The following CAMSAP3 variants were observed in gnomAD, a reference collection of about 807,000 sequenced individuals.
CAMSAP3 encodes calmodulin regulated spectrin associated protein family member 3, also known as calmodulin-regulated spectrin-associated protein 3.
CAMSAP3 carries 34 observed loss-of-function variants against 112.5 expected under a neutral mutation model. The observed-to-expected ratio is 0.30, with a 90% confidence interval of 0.23 to 0.40. The LOEUF (loss-of-function observed/expected upper bound fraction) is 0.40. Among genes scored for constraint, CAMSAP3 ranks in the 10% least tolerant of loss-of-function variants. The pLI is 1.00. For missense variants in CAMSAP3, 1,602 were observed against 1,770.3 expected (o/e 0.90, Z 1.71); for synonymous variants, 868 against 799.8 (o/e 1.09, Z -1.44).
In CAMSAP3 at chr19:7,618,050, C is replaced by T. The variant is rs762758632; in HGVS notation, c.3743C>T (p.Pro1248Leu). ...PTTPKKGGGT[P>L]K ...ACTCCCAAGAAGGGCGGCGGCACCCCCAAATAGCCCCACCCGGGCGGTCCA... is the reference window on the plus strand; with the variant it reads ...ACTCCCAAGAAGGGCGGCGGCACCCTCAAATAGCCCCACCCGGGCGGTCCA... The change falls in exon 17 of 17, where the codon CCC (proline) becomes CTC (leucine). Residue 1248 changes from proline (P) to leucine (L), a missense_variant. Pro to Leu is a moderately conservative substitution (Grantham distance 98, BLOSUM62 -3). Transcript: ENST00000160298. The T allele has an allele frequency of 1.2e-6, 2 of 1,611,282 alleles. No individual in the cohort carries two copies. Among genetic ancestry groups the T allele is most frequent in the Non-Finnish European group, 1.7e-6 (2 of 1,178,778 alleles).
At position 7,611,783 on chromosome 19, in the gene CAMSAP3, G is replaced by A. The variant is rs1052326408; in HGVS notation, c.1290G>A (p.Val430=). 2 of 1,597,514 alleles carry A rather than the reference G, an allele frequency of 1.3e-6. No individual in the cohort carries two copies. The change falls in exon 11 of 17, where the codon GTG becomes GTA. Residue 430 remains valine (V), a synonymous_variant. Coordinates refer to ENST00000160298, the MANE Select transcript of CAMSAP3 (RefSeq NM_020902.2). This position sits in a 1 kb window ranked among gnomAD's most constrained non-coding sequence, Gnocchi z 6.9. ...GAGACCCTGTGCTCCTCCGCTCTGT[G>A]AGCTCGGACAGCCTGGGCCCCCCGC... ...VMGDPVLLRS[V]SSDSLGPPRP... is the part of the protein sequence containing the mutation.
chr19:7,613,439 T>G (rs1177482342), intron 11 of CAMSAP3, among the ~76,000 whole-genome samples: 1 of 149,400 alleles, frequency 6.7e-6, no homozygotes, highest in Non-Finnish European at 1.5e-5. Flanking sequence ...TTTGACCCTG[T>G]CTGTTGGGTA....
rs949488648 is a variant in CAMSAP3, at chr19:7,615,379, C to T, written c.2811-39C>T. On this transcript the variant is annotated intron_variant, in intron 12 of 16. Coordinates refer to ENST00000160298, the MANE Select transcript of CAMSAP3 (RefSeq NM_020902.2). The surrounding 1 kb of genome is among the most constrained non-coding windows in gnomAD (Gnocchi z 6.5). ...CTTGGCCTGTCTGCCACCGCGGACC[C>T]CGTGAGCGGTTCTGATGCCGATTCC... is the stretch of plus-strand genomic sequence containing the variant. The T allele has an allele frequency of 1.3e-6, 2 of 1,535,682 alleles. No individual in the cohort carries two copies. Among genetic ancestry groups the T allele is most frequent in the East Asian group, 2.5e-5 (1 of 40,658 alleles).
chr19:7,598,914 GT>G (rs1288766148), intron 1 of CAMSAP3, among the ~76,000 whole-genome samples: 23 of 152,272 alleles, frequency 1.5e-4, no homozygotes, highest in African/African-American at 5.5e-4. Context: ...TCCTGGACAA[GT>G]TATCTCAGCT....
intron 11 of CAMSAP3, chr19:7,614,557 C>G (rs1027785992): frequency 6.6e-6 from 1 of 152,282 alleles, no homozygotes; most frequent in African/African-American, 2.4e-5. Context: ...AGGCTGGTCT[C>G]GAACCCCTGA....
chr19:7,600,906 C>T (rs1427534515), intron 1 of CAMSAP3, among the ~76,000 whole-genome samples: 1 of 142,646 alleles, frequency 7.0e-6, no homozygotes, highest in African/African-American at 2.6e-5. Context: ...ATCCATCCAC[C>T]CACCCATTCA....
chr19:7,599,213 T>TCATC (rs2029862797), intron 1 of CAMSAP3, among the ~76,000 whole-genome samples: 1 of 146,174 alleles, frequency 6.8e-6, no homozygotes, highest in Non-Finnish European at 1.5e-5. Flanking sequence ...ATCTACCCAC[T>TCATC]CATCCATCCA....
At position 7,615,921 on chromosome 19, in the gene CAMSAP3, G is replaced by A. The variant is rs926713419; in HGVS notation, c.3112+202G>A. On this transcript the variant is annotated intron_variant, in intron 13 of 16. Transcript: ENST00000160298. This position sits in a 1 kb window ranked among gnomAD's most constrained non-coding sequence, Gnocchi z 6.5. ...ACTTCCATAGGGGGCCGGGCGCGGT[G>A]GCTCACGCCTGTAATCCCAGCACTT... Among the ~76,000 whole-genome samples the A allele has an allele frequency of 1.3e-5, 2 of 152,116 alleles. No homozygotes were observed. Among genetic ancestry groups the A allele is most frequent in the Non-Finnish European group, 2.9e-5 (2 of 68,004 alleles).
chr19:7,617,345 C>T lies in CAMSAP3; in HGVS notation c.3232C>T (p.Leu1078Phe). The T allele has an allele frequency of 6.2e-7, 1 of 1,614,004 alleles. No individual in the cohort carries two copies. The highest frequency in any genetic ancestry group is 8.5e-7 in the Non-Finnish European group (1 of 1,179,892). ...PTSRAPSPSG[L>F]MSPSRLPGSR... Reference sequence around the variant, plus strand: ...CTGCAGGGCTCCCTCCCCGTCAGGTCTCATGTCCCCAAGCCGCCTGCCTGG... The same window carrying T: ...CTGCAGGGCTCCCTCCCCGTCAGGTTTCATGTCCCCAAGCCGCCTGCCTGG... The change falls in exon 15 of 17, where the codon CTC becomes TTC. Residue 1078 changes from leucine to phenylalanine, a missense_variant. Around this residue, in one of 6 missense-constraint regions of CAMSAP3, gnomAD observed 1,100 missense variants for 1,135.7 expected, o/e 0.97. Coordinates refer to ENST00000160298, the MANE Select transcript of CAMSAP3 (RefSeq NM_020902.2). The surrounding 1 kb of genome is among the most constrained non-coding windows in gnomAD (Gnocchi z 7.5).
At chr19:7,616,998 G>C (rs2030843840) in intron 14 of CAMSAP3, among the ~76,000 whole-genome samples, 1 of 140,612 alleles carries the variant, frequency 7.1e-6, no homozygotes, top group Non-Finnish European at 1.5e-5. Flanking sequence ...GCCCAGGCTG[G>C]AGTGCAGTGG....
Position 7,615,741 on chromosome 19 carries a change from G to A in CAMSAP3, c.3112+22G>A. 7.2e-7 allele frequency: 1 copy of A among 1,381,380 alleles called. No homozygotes were observed. The allele number at this position is 1,381,380 out of a possible 1,614,324, so 85.6% of individuals were successfully genotyped here. A position where few individuals can be genotyped will look rare whatever the true frequency, so the allele number is the denominator to read the frequency against. ...CTGGGTGAGGACCCTTGGGGGACGG[G>A]GCCTGCCCAGTGCCCTTTCCGGGGC... is the stretch of plus-strand genomic sequence containing the variant. On this transcript the variant is annotated intron_variant, in intron 13 of 16. Coordinates refer to ENST00000160298, the MANE Select transcript of CAMSAP3 (RefSeq NM_020902.2). The surrounding 1 kb of genome is among the most constrained non-coding windows in gnomAD (Gnocchi z 6.5).
chr19:7,606,159 C>G (rs1252790643), intron 2 of CAMSAP3, 112 bp from the exon 3 acceptor site: 12 of 639,298 alleles, frequency 1.9e-5, no homozygotes, highest in Admixed American at 6.8e-5. Context: ...AAGCCCCACC[C>G]CCCCCGTCAA....
At chr19:7,609,973 A>C (rs1397733300) in intron 5 of CAMSAP3, among the ~76,000 whole-genome samples, 2 of 152,126 alleles carry the variant, frequency 1.3e-5, no homozygotes, top group Non-Finnish European at 2.9e-5. Context: ...TCAGTTCCTG[A>C]CAGGCCACGC....
intron 13 of CAMSAP3, 156 bp from the exon 14 acceptor site, chr19:7,616,366 TC>T: frequency 1.7e-6 from 1 of 592,750 alleles, no homozygotes. Context: ...CAAAGCATCC[TC>T]CCTCATAGAG....
At position 7,605,446 on chromosome 19, in the gene CAMSAP3, C is replaced by A. The variant is rs372762687; in HGVS notation, c.369C>A (p.Arg123=). 1 of 1,457,286 alleles carries A rather than the reference C, an allele frequency of 6.9e-7. No individual in the cohort carries two copies. The highest frequency in any genetic ancestry group is 9.1e-7 in the Non-Finnish European group (1 of 1,102,640). The allele number at this position is 1,457,286 out of a possible 1,614,324, so 90.3% of individuals were successfully genotyped here. A position where few individuals can be genotyped will look rare whatever the true frequency, so the allele number is the denominator to read the frequency against. Residue 123 remains arginine (R), a synonymous_variant, in exon 2 of 17, where the codon CGC becomes CGA. Coordinates refer to ENST00000160298, the MANE Select transcript of CAMSAP3 (RefSeq NM_020902.2). ...CTGCTTTGCCCGAGCGCCCGGTGCGCGAGGCCGACCTGAGGCACCAGCCCA... is the reference window on the plus strand; with the variant it reads ...CTGCTTTGCCCGAGCGCCCGGTGCGAGAGGCCGACCTGAGGCACCAGCCCA... The part of the protein sequence containing the change: ...TVPALPERPV[R]EADLRHQPIL...
intron 1 of CAMSAP3, among the ~76,000 whole-genome samples, chr19:7,603,032 C>T (rs999003788): frequency 2.6e-5 from 4 of 151,976 alleles, no homozygotes; most frequent in East Asian, 1.9e-4. Flanking sequence ...AGTCTACATG[C>T]GGGTGGCGCG....
chr19:7,597,501 C>G (rs747971145), intron 1 of CAMSAP3, among the ~76,000 whole-genome samples: 1 of 152,194 alleles, frequency 6.6e-6, no homozygotes, highest in Non-Finnish European at 1.5e-5. Context: ...GTTTCCCCTT[C>G]TATAAAAGAA....
At chr19:7,609,317 CAA>C (rs3032314) in intron 5 of CAMSAP3, among the ~76,000 whole-genome samples, 2,337 of 98,102 alleles carry the variant, frequency 0.024, 113 homozygotes, top group Admixed American at 0.16. Flanking sequence ...GACTCCATCT[CAA>C]AAAAAAAAAA....
In CAMSAP3 at chr19:7,605,356, A is replaced by G. The variant is rs1372866935; in HGVS notation, c.279A>G (p.Pro93=). ...LYCRAWRQAL[P]QLETPPNPSA... is the part of the protein sequence containing the mutation. ...GCAGAGCCTGGCGCCAGGCACTGCCACAGCTTGAAACACCCCCCAACCCCT... is the reference window on the plus strand; with the variant it reads ...GCAGAGCCTGGCGCCAGGCACTGCCGCAGCTTGAAACACCCCCCAACCCCT... Residue 93 remains proline, a synonymous_variant, in exon 2 of 17, where the codon CCA becomes CCG. Coordinates refer to ENST00000160298, the MANE Select transcript of CAMSAP3 (RefSeq NM_020902.2). 2 of 1,603,152 alleles carry G rather than the reference A, an allele frequency of 1.2e-6. No homozygotes were observed. Among genetic ancestry groups the G allele is most frequent in the Non-Finnish European group, 1.7e-6 (2 of 1,173,386 alleles).
Sources: gnomAD v4.1 joint callset for allele counts (sites outside exome capture counted in the v4.1 genomes callset) on GRCh38, gnomAD v4.1.1 for gene constraint, gnomAD v4.1.1 regional missense constraint, Gnocchi (gnomAD v3.1) non-coding constraint, MANE v1.5 for transcripts, NCBI Gene and HGNC (gene_info 2026-07-23, HGNC 2026-07-21) for gene names.